Variants in SUGCT observed in about 807,000 individuals in gnomAD.
SUGCT encodes succinyl-CoA:glutarate CoA-transferase.
In SUGCT, 41 loss-of-function variants were observed where a neutral mutation model predicts 55.0. That is an observed-to-expected ratio of 0.74 (90% CI 0.58 to 0.97). The LOEUF (loss-of-function observed/expected upper bound fraction) is 0.97. SUGCT is among the 50% of genes least tolerant of loss of function. The pLI is 0.00. For missense variants in SUGCT, 568 were observed against 547.8 expected, an observed-to-expected ratio of 1.04 and a Z score of -0.37; for synonymous variants, 187 against 200.4, an observed-to-expected ratio of 0.93 and a Z score of 0.56.
the SUGCT span, among the ~76,000 whole-genome samples, chr7:41,006,396 T>G: frequency 6.6e-6 from 1 of 152,234 alleles, no homozygotes; most frequent in Non-Finnish European, 1.5e-5. Context: ...GAGGGCTGCA[T>G]GCTCTCATTC....
At chr7:40,780,258 C>T (rs1234389320) in intron 13 of SUGCT, among the ~76,000 whole-genome samples, 5 of 152,200 alleles carry the variant, frequency 3.3e-5, no homozygotes, top group South Asian at 2.1e-4. Context: ...TTTTTATAAT[C>T]GTGCTGTTTT....
At chr7:40,916,068 CAT>C in the SUGCT span, among the ~76,000 whole-genome samples, 3 of 57,838 alleles carry the variant, frequency 5.2e-5, no homozygotes, top group East Asian at 5.0e-4. Context: ...TCTCTCTCTA[CAT>C]ACACACACAC....
the SUGCT span, among the ~76,000 whole-genome samples, chr7:40,867,679 T>C: frequency 6.6e-6 from 1 of 152,194 alleles, no homozygotes; most frequent in South Asian, 2.1e-4. Context: ...TTTGGTTTGT[T>C]GGAACATTTT....
intron 8 of SUGCT, among the ~76,000 whole-genome samples, chr7:40,314,311 A>G (rs1181321128): frequency 6.6e-6 from 1 of 152,212 alleles, no homozygotes; most frequent in South Asian, 2.1e-4. Context: ...AAATTAGAGA[A>G]GTAGAAATAA....
the SUGCT span, among the ~76,000 whole-genome samples, chr7:41,023,530 T>C: frequency 2.0e-5 from 3 of 152,150 alleles, no homozygotes; most frequent in Non-Finnish European, 4.4e-5. Context: ...GTCAGCAAGA[T>C]AACAATCCTG....
At chr7:40,981,193 C>T in the SUGCT span, among the ~76,000 whole-genome samples, 1 of 152,114 alleles carries the variant, frequency 6.6e-6, no homozygotes, top group Non-Finnish European at 1.5e-5. Flanking sequence ...CACTCTGGAC[C>T]AGTGATAGGA....
chr7:40,236,658 G>A (rs993393674), intron 6 of SUGCT, among the ~76,000 whole-genome samples: 1 of 152,064 alleles, frequency 6.6e-6, no homozygotes, highest in Non-Finnish European at 1.5e-5. Flanking sequence ...TACAAAGCAA[G>A]GGTAGCAAAT....
chr7:40,328,458 T>A (rs989991382), intron 9 of SUGCT, among the ~76,000 whole-genome samples: 2 of 152,116 alleles, frequency 1.3e-5, no homozygotes, highest in Admixed American at 1.3e-4. Flanking sequence ...AGTTTGGTAG[T>A]GTGGGGACAG....
At chr7:41,010,840 A>G in the SUGCT span, among the ~76,000 whole-genome samples, 2 of 152,354 alleles carry the variant, frequency 1.3e-5, no homozygotes, top group Non-Finnish European at 2.9e-5. Context: ...GCATTAGGAA[A>G]TCATGGGATA....
the SUGCT span, among the ~76,000 whole-genome samples, chr7:40,949,869 A>T: frequency 6.6e-6 from 1 of 152,188 alleles, no homozygotes. Context: ...CTTATGGTAT[A>T]GTATCGAAGT....
chr7:40,800,584 G>A (rs1021170201), intron 13 of SUGCT, among the ~76,000 whole-genome samples: 1 of 152,086 alleles, frequency 6.6e-6, no homozygotes, highest in East Asian at 1.9e-4. Context: ...GAGCCACCGC[G>A]CCTGGCCCTC....
chr7:40,622,382 G>A (rs1284981873), intron 12 of SUGCT, among the ~76,000 whole-genome samples: 1 of 152,098 alleles, frequency 6.6e-6, no homozygotes, highest in East Asian at 1.9e-4. Flanking sequence ...GAGGACCTCA[G>A]CTTTCATCAA....
At chr7:40,485,623 G>T (rs897869219) in intron 11 of SUGCT, among the ~76,000 whole-genome samples, 2 of 151,622 alleles carry the variant, frequency 1.3e-5, no homozygotes, top group Admixed American at 1.3e-4. Context: ...AATGGATTTT[G>T]CCAGGCTAGC....
At chr7:40,321,078 C>CTTTCTT (rs1562677633) in intron 9 of SUGCT, among the ~76,000 whole-genome samples, 1 of 138,204 alleles carries the variant, frequency 7.2e-6, no homozygotes, top group African/African-American at 2.7e-5. Context: ...TTCTTTCTTT[C>CTTTCTT]TTTTTTTTTT....
chr7:40,275,932 T>C (rs1792444181), intron 8 of SUGCT, among the ~76,000 whole-genome samples: 1 of 152,144 alleles, frequency 6.6e-6, no homozygotes, highest in South Asian at 2.1e-4. Context: ...AAAGAAAATA[T>C]CTGATTTGTG....
intron 13 of SUGCT, among the ~76,000 whole-genome samples, chr7:40,834,612 A>G (rs983795031): frequency 6.6e-6 from 1 of 152,188 alleles, no homozygotes; most frequent in African/African-American, 2.4e-5. Context: ...TAAACCTCCT[A>G]TATTCTGCGC....
At chr7:40,179,385 C>G (rs1220914133) in intron 1 of SUGCT, among the ~76,000 whole-genome samples, 1 of 152,034 alleles carries the variant, frequency 6.6e-6, no homozygotes, top group African/African-American at 2.4e-5. Context: ...CATCTGCCTC[C>G]TGGGTTCAAG....
intron 6 of SUGCT, among the ~76,000 whole-genome samples, chr7:40,229,849 C>T (rs1788619093): frequency 6.6e-6 from 1 of 150,754 alleles, no homozygotes; most frequent in South Asian, 2.1e-4. Flanking sequence ...GAGTTTATAC[C>T]TCCTATCATT....
chr7:40,762,972 C>T (rs1352944838), intron 13 of SUGCT, among the ~76,000 whole-genome samples: 1 of 151,968 alleles, frequency 6.6e-6, no homozygotes, highest in African/African-American at 2.4e-5. Context: ...ACCGTCATGC[C>T]CAGCTAATTT....
Sources: gnomAD v4.1 joint callset for allele counts (sites outside exome capture counted in the v4.1 genomes callset) on GRCh38, gnomAD v4.1.1 for gene constraint, MANE v1.5 for transcripts, NCBI Gene and HGNC (gene_info 2026-07-23, HGNC 2026-07-21) for gene names.